The following ATG10 variants were observed in gnomAD, a reference collection of about 807,000 sequenced individuals.
The protein encoded by ATG10 is autophagy related 10.
A neutral mutation model predicts 32.1 loss-of-function variants in ATG10; 30 were observed. The observed-to-expected ratio is 0.94, with a 90% confidence interval of 0.70 to 1.27. The LOEUF (loss-of-function observed/expected upper bound fraction) is 1.27, where lower values mean the gene tolerates loss of function less well. Ranked by LOEUF, ATG10 falls within the 50% of genes most tolerant of loss-of-function variation. The pLI, the probability that ATG10 is intolerant of heterozygous loss-of-function variation, is 0.00. For missense variants in ATG10, 233 were observed against 262.3 expected (o/e 0.89, Z 0.77); for synonymous variants, 87 against 91.5 (o/e 0.95, Z 0.28).
At chr5:82,082,710 C>T (rs1463417452) in intron 3 of ATG10, among the ~76,000 whole-genome samples, 1 of 151,696 alleles carries the variant, frequency 6.6e-6, no homozygotes, top group African/African-American at 2.4e-5. Flanking sequence ...AATTCATTCA[C>T]TTTCATGAAA....
At chr5:82,085,278 C>G (rs1420049479) in intron 3 of ATG10, among the ~76,000 whole-genome samples, 5 of 152,038 alleles carry the variant, frequency 3.3e-5, no homozygotes, top group Non-Finnish European at 7.4e-5. Context: ...ACAAGAAGAG[C>G]TAACACTCCT....
chr5:81,986,385 G>A (rs1011910958), intron 1 of ATG10, among the ~76,000 whole-genome samples: 1 of 152,194 alleles, frequency 6.6e-6, no homozygotes, highest in Non-Finnish European at 1.5e-5. Flanking sequence ...GGATAAGAGA[G>A]TTTCTACTGT....
chr5:82,138,002 TC>T (rs1766835465), intron 3 of ATG10, among the ~76,000 whole-genome samples: 1 of 152,156 alleles, frequency 6.6e-6, no homozygotes, highest in African/African-American at 2.4e-5. Context: ...AATTTGAACT[TC>T]CCAGAGGCTT....
chr5:82,243,606 T>C (rs1746890149), intron 5 of ATG10, among the ~76,000 whole-genome samples: 2 of 152,152 alleles, frequency 1.3e-5, no homozygotes. Context: ...TTCAGTTCTC[T>C]AAGAAGATAT....
intron 5 of ATG10, among the ~76,000 whole-genome samples, chr5:82,247,915 T>C (rs1311540960): frequency 6.6e-6 from 1 of 152,194 alleles, no homozygotes; most frequent in Non-Finnish European, 1.5e-5. Flanking sequence ...CTTATTTTTA[T>C]TTTTTAGACT....
At chr5:82,035,067 A>G (rs929895022) in intron 2 of ATG10, among the ~76,000 whole-genome samples, 5 of 151,984 alleles carry the variant, frequency 3.3e-5, no homozygotes, top group South Asian at 2.1e-4. Context: ...ATCTGCCACC[A>G]TGCCTGACCA....
intron 3 of ATG10, among the ~76,000 whole-genome samples, chr5:82,143,284 A>T (rs1316434235): frequency 1.3e-5 from 2 of 152,222 alleles, no homozygotes; most frequent in Non-Finnish European, 1.5e-5. Flanking sequence ...AAAGTCAGAG[A>T]TGTGAGGATG....
At chr5:81,989,572 A>G (rs1256109647) in intron 2 of ATG10, among the ~76,000 whole-genome samples, 1 of 151,206 alleles carries the variant, frequency 6.6e-6, no homozygotes, top group Non-Finnish European at 1.5e-5. Flanking sequence ...TCTTGGGTAT[A>G]TTTTATAGTT....
chr5:81,999,922 G>T (rs1212669814), intron 2 of ATG10, among the ~76,000 whole-genome samples: 1 of 152,120 alleles, frequency 6.6e-6, no homozygotes, highest in East Asian at 1.9e-4. Flanking sequence ...GGACCAGATG[G>T]ATTCACAGCT....
intron 3 of ATG10, among the ~76,000 whole-genome samples, chr5:82,138,933 G>A (rs1178951574): frequency 7.4e-6 from 1 of 135,002 alleles, no homozygotes; most frequent in Non-Finnish European, 1.5e-5. Flanking sequence ...CTGCCATCTC[G>A]GCTCACTGCA....
chr5:82,093,119 G>A (rs1290151933), intron 3 of ATG10, among the ~76,000 whole-genome samples: 1 of 152,126 alleles, frequency 6.6e-6, no homozygotes, highest in East Asian at 1.9e-4. Context: ...TATGCTTGGT[G>A]TAGTTTTCTT....
chr5:82,203,125 G>C (rs996800592), intron 5 of ATG10, among the ~76,000 whole-genome samples: 18 of 152,088 alleles, frequency 1.2e-4, no homozygotes, highest in African/African-American at 4.1e-4. Context: ...CTACTCAGGA[G>C]GCTGAGACAG....
chr5:82,141,775 A>G (rs1767157041), intron 3 of ATG10, among the ~76,000 whole-genome samples: 1 of 151,972 alleles, frequency 6.6e-6, no homozygotes, highest in Non-Finnish European at 1.5e-5. Flanking sequence ...TTTATAATCC[A>G]AAATTCTAAC....
intron 3 of ATG10, among the ~76,000 whole-genome samples, chr5:82,145,719 T>C (rs566923284): frequency 1.3e-5 from 2 of 152,112 alleles, no homozygotes; most frequent in South Asian, 2.1e-4. Flanking sequence ...TCTTTTTTTT[T>C]TTTTTGAGAC....
At chr5:82,094,389 G>A (rs1018656046) in intron 3 of ATG10, among the ~76,000 whole-genome samples, 16 of 152,024 alleles carry the variant, frequency 1.1e-4, no homozygotes, top group African/African-American at 3.9e-4. Flanking sequence ...AGTGATATTT[G>A]CATTTTACCA....
At chr5:82,114,874 C>T (rs1230931103) in intron 3 of ATG10, among the ~76,000 whole-genome samples, 10 of 151,994 alleles carry the variant, frequency 6.6e-5, no homozygotes. Context: ...GACTTCTTTA[C>T]TGGTGAGAGA....
chr5:81,973,962 A>G (rs1232688864), intron 1 of ATG10, among the ~76,000 whole-genome samples: 3 of 152,212 alleles, frequency 2.0e-5, no homozygotes, highest in South Asian at 4.1e-4. Context: ...AGGTTAACTG[A>G]GATTTTGGTA....
chr5:82,127,970 T>C (rs1319097719), intron 3 of ATG10, among the ~76,000 whole-genome samples: 2 of 152,130 alleles, frequency 1.3e-5, no homozygotes, highest in South Asian at 2.1e-4. Context: ...TGGTCCTGTA[T>C]TGGGTGCATA....
chr5:82,025,611 A>G (rs1483587322), intron 2 of ATG10, among the ~76,000 whole-genome samples: 1 of 152,190 alleles, frequency 6.6e-6, no homozygotes, highest in African/African-American at 2.4e-5. Flanking sequence ...CTGTGCCACA[A>G]ATAGGCTATA....
Sources: allele counts gnomAD v4.1 joint callset (sites outside exome capture counted in the v4.1 genomes callset), GRCh38; gene constraint gnomAD v4.1.1; transcripts MANE v1.5; gene names NCBI Gene and HGNC (gene_info 2026-07-23, HGNC 2026-07-21).